NEGR1: variants seen among roughly 807,000 people sequenced by gnomAD.
The protein encoded by NEGR1 is neuronal growth regulator 1, also known as IgLON family member 4.
In NEGR1, 10 loss-of-function variants were observed where a neutral mutation model predicts 40.9. The observed-to-expected ratio is 0.24, with a 90% CI of 0.15 to 0.42. The LOEUF is 0.42. Ranked by LOEUF, NEGR1 falls within the 10% of genes least tolerant of loss-of-function variation. The probability of loss-of-function intolerance (pLI) is 1.00; values close to 1 mark genes in which losing one functional copy is unlikely to be tolerated. For missense variants in NEGR1, 352 were observed against 438.9 expected (o/e 0.80, Z 1.77); for synonymous variants, 185 against 166.8 (o/e 1.11, Z -0.84).
intron 6 of NEGR1, among the ~76,000 whole-genome samples, chr1:71,505,547 C>T (rs943297363): frequency 6.6e-6 from 1 of 152,130 alleles, no homozygotes; most frequent in Non-Finnish European, 1.5e-5. Context: ...TCCCAAAGTG[C>T]TGGGATTACA....
chr1:71,589,773 A>T (rs929058642), intron 6 of NEGR1, among the ~76,000 whole-genome samples: 15 of 26,534 alleles, frequency 5.7e-4, no homozygotes, highest in Admixed American at 5.5e-3. Context: ...TTAAAAGTTT[A>T]ATACTGGGTT....
chr1:71,499,702 T>C (rs1164185977), intron 6 of NEGR1, among the ~76,000 whole-genome samples: 3 of 151,878 alleles, frequency 2.0e-5, no homozygotes, highest in East Asian at 3.9e-4. Flanking sequence ...TTCTTAACCT[T>C]TGCAGTAGAT....
intron 2 of NEGR1, among the ~76,000 whole-genome samples, chr1:71,925,090 A>G (rs1645759690): frequency 6.6e-6 from 1 of 152,182 alleles, no homozygotes; most frequent in African/African-American, 2.4e-5. Flanking sequence ...AAAATAAAAT[A>G]AAATAAAATA....
intron 2 of NEGR1, among the ~76,000 whole-genome samples, chr1:71,863,997 A>G (rs1428124909): frequency 6.6e-6 from 1 of 152,174 alleles, no homozygotes; most frequent in Non-Finnish European, 1.5e-5. Context: ...CACCAAAGTA[A>G]GCAAATTGCC....
chr1:72,033,731 A>AT (rs1266670966), intron 1 of NEGR1, among the ~76,000 whole-genome samples: 1 of 151,994 alleles, frequency 6.6e-6, no homozygotes, highest in South Asian at 2.1e-4. Context: ...TTAGACTGTT[A>AT]TTTTTTTCCA....
intron 1 of NEGR1, among the ~76,000 whole-genome samples, chr1:72,207,074 GA>G (rs199886981): frequency 0.014 from 1,516 of 109,224 alleles, 24 homozygotes; most frequent in African/African-American, 0.042. Context: ...TGTTTAGGAT[GA>G]AAAAAAAAAA....
At chr1:71,460,994 C>T (rs1646710782) in intron 6 of NEGR1, among the ~76,000 whole-genome samples, 3 of 151,524 alleles carry the variant, frequency 2.0e-5, no homozygotes, top group Admixed American at 6.6e-5. Flanking sequence ...TTGCTGGTCT[C>T]TGAAAATAAA....
intron 1 of NEGR1, among the ~76,000 whole-genome samples, chr1:72,242,373 T>A (rs867841526): frequency 6.6e-6 from 1 of 151,642 alleles, no homozygotes; most frequent in South Asian, 2.1e-4. Context: ...ATATTTCATT[T>A]TATTTTCATT....
At chr1:72,253,689 G>A (rs113053527) in intron 1 of NEGR1, among the ~76,000 whole-genome samples, 307 of 152,152 alleles carry the variant, frequency 2.0e-3, no homozygotes, top group African/African-American at 6.8e-3. Context: ...AATCAAATAG[G>A]TATAAGAAAT....
intron 3 of NEGR1, among the ~76,000 whole-genome samples, chr1:71,766,432 G>A (rs1002755909): frequency 6.6e-6 from 1 of 152,096 alleles, no homozygotes; most frequent in African/African-American, 2.4e-5. Flanking sequence ...TTAAGCATAC[G>A]GAAATTAGAC....
intron 2 of NEGR1, among the ~76,000 whole-genome samples, chr1:71,884,820 A>C (rs529848027): frequency 6.6e-6 from 1 of 152,322 alleles, no homozygotes; most frequent in Admixed American, 6.5e-5. Context: ...AGTTGCTTTA[A>C]ATTCACATGG....
intron 4 of NEGR1, among the ~76,000 whole-genome samples, chr1:71,667,872 T>C (rs1652293600): frequency 1.3e-5 from 2 of 152,326 alleles, no homozygotes; most frequent in Admixed American, 1.3e-4. Context: ...AATTAATCTT[T>C]GCTCAGAGCT....
At chr1:71,772,576 T>G (rs1458268232) in intron 3 of NEGR1, among the ~76,000 whole-genome samples, 3 of 152,198 alleles carry the variant, frequency 2.0e-5, no homozygotes, top group South Asian at 2.1e-4. Flanking sequence ...ATAAAAAAAC[T>G]ATTGTATTAG....
At chr1:72,241,266 C>T (rs1032095450) in intron 1 of NEGR1, among the ~76,000 whole-genome samples, 1 of 151,474 alleles carries the variant, frequency 6.6e-6, no homozygotes, top group East Asian at 1.9e-4. Context: ...TTTTGAGAGA[C>T]AAAAAAGCAG....
intron 1 of NEGR1, among the ~76,000 whole-genome samples, chr1:71,996,491 T>G (rs907646596): frequency 2.6e-5 from 4 of 152,150 alleles, no homozygotes; most frequent in African/African-American, 9.6e-5. Flanking sequence ...CTTTACTTTC[T>G]ATGCCATTGA....
chr1:71,950,275 G>T (rs1282127533), intron 1 of NEGR1, among the ~76,000 whole-genome samples: 1 of 151,726 alleles, frequency 6.6e-6, no homozygotes, highest in Non-Finnish European at 1.5e-5. Flanking sequence ...GCATTTTGTG[G>T]ATAAACACAC....
chr1:71,644,887 C>T lies in NEGR1; in HGVS notation c.668-33741G>A, dbSNP rs991228728. Among the ~76,000 whole-genome samples the T allele has an allele frequency of 4.0e-5, 6 of 151,844 alleles. No homozygotes were observed. The East Asian group carries it at 1.2e-3, about 29-fold the overall frequency. ...ACTTCCCCAGGCTACTATCTGTTCA[C>T]ATGTTTATTATAAATGAAGTATTCT... On this transcript the variant is annotated intron_variant, in intron 4 of 6. Transcript: ENST00000357731.
chr1:72,234,193 T>G (rs1557590883), intron 1 of NEGR1, among the ~76,000 whole-genome samples: 1 of 152,118 alleles, frequency 6.6e-6, no homozygotes, highest in Non-Finnish European at 1.5e-5. Context: ...CGTTCATGTA[T>G]TCTCATCATT....
chr1:71,878,066 C>A (rs919596389), intron 2 of NEGR1, among the ~76,000 whole-genome samples: 2 of 152,134 alleles, frequency 1.3e-5, no homozygotes, highest in African/African-American at 4.8e-5. Context: ...TAATTTCAAA[C>A]ATTGGAAAAT....
Sources: allele counts gnomAD v4.1 joint callset (sites outside exome capture counted in the v4.1 genomes callset), GRCh38; gene constraint gnomAD v4.1.1; transcripts MANE v1.5; gene names NCBI Gene and HGNC (gene_info 2026-07-23, HGNC 2026-07-21).